The following PRKAG2 variants were observed in gnomAD, a reference collection of about 807,000 sequenced individuals.
The protein encoded by PRKAG2 is 5'-AMP-activated protein kinase subunit gamma-2.
PRKAG2 carries 26 observed loss-of-function variants against 69.6 expected under a neutral mutation model. The ratio of observed to expected loss-of-function variants is 0.37; its 90% CI spans 0.27 to 0.52. The LOEUF (loss-of-function observed/expected upper bound fraction) is 0.52, where lower values mean the gene tolerates loss of function less well. Ranked by LOEUF, PRKAG2 falls within the 20% of genes least tolerant of loss-of-function variation. The probability of loss-of-function intolerance (pLI) is 0.90; values close to 1 mark genes in which losing one functional copy is unlikely to be tolerated. For synonymous variants in PRKAG2, 293 were observed against 285.0 expected (o/e 1.03, Z -0.28); for missense variants, 557 against 740.0 (o/e 0.75, Z 2.87).
chr7:151,740,385 C>T lies in PRKAG2; in HGVS notation c.466+40767G>A, dbSNP rs551598303. Among the ~76,000 whole-genome samples the T allele has an allele frequency of 1.8e-4, 28 of 152,346 alleles. No individual in the cohort carries two copies. In the East Asian group the frequency reaches 3.5e-3, roughly 19 times the overall value. On this transcript the variant is annotated intron_variant, in intron 3 of 15. Transcript: ENST00000287878. ...TGGGTCAGGGACCCTCTCCTTCATC[C>T]TTCAGGCACAGCAGTGGCAGCAGCC... is the stretch of plus-strand genomic sequence containing the variant.
intron 4 of PRKAG2, among the ~76,000 whole-genome samples, chr7:151,659,656 T>C (rs566601343): frequency 4.1e-4 from 63 of 152,326 alleles, no homozygotes; most frequent in African/African-American, 1.4e-3. Context: ...ATTTGTAAGA[T>C]TGAATAAGTA....
intron 1 of PRKAG2, among the ~76,000 whole-genome samples, chr7:151,841,553 G>GGATGGTAGTGATGGTAGGTAGT: frequency 6.9e-6 from 1 of 145,646 alleles, no homozygotes; most frequent in East Asian, 2.1e-4. Context: ...TAGTAGGTAG[G>GGATGGTAGTGATGGTAGGTAGT]GATGGTAGTG....
intron 6 of PRKAG2, among the ~76,000 whole-genome samples, chr7:151,584,859 C>T (rs1585049748): frequency 6.6e-6 from 1 of 152,178 alleles, no homozygotes; most frequent in East Asian, 1.9e-4. Flanking sequence ...ACTGCACTAC[C>T]ATACTCCAGC....
intron 3 of PRKAG2, among the ~76,000 whole-genome samples, chr7:151,724,385 T>G (rs1429471999): frequency 1.3e-5 from 2 of 152,152 alleles, no homozygotes; most frequent in Non-Finnish European, 2.9e-5. Flanking sequence ...GATGGGCATC[T>G]CCACAGAGTC....
At chr7:151,815,049 G>T (rs1309514919) in intron 1 of PRKAG2, among the ~76,000 whole-genome samples, 3 of 152,180 alleles carry the variant, frequency 2.0e-5, no homozygotes, top group Admixed American at 1.3e-4. Context: ...TCAGGCAAAG[G>T]CTTCAGAAAT....
Position 151,659,357 on chromosome 7 carries a change from T to C in PRKAG2, c.684+16063A>G, listed in dbSNP as rs374606864. ...ACTTTGCTTTGTTCAGGGGAGTCCA[T>C]GGCATGTCCACCACTCCCATTTAAG... On this transcript the variant is annotated intron_variant, in intron 4 of 15. Transcript: ENST00000287878. Among the ~76,000 whole-genome samples the C allele has an allele frequency of 4.9e-4, 75 of 152,350 alleles. 1 individual carries two copies. The Middle Eastern group carries it at 0.017, about 35-fold the overall frequency.
At chr7:151,819,047 C>A (rs553905883) in intron 1 of PRKAG2, among the ~76,000 whole-genome samples, 1 of 152,190 alleles carries the variant, frequency 6.6e-6, no homozygotes, top group East Asian at 1.9e-4. Context: ...AGCTCCCTGG[C>A]GAAATGAGTG....
intron 5 of PRKAG2, among the ~76,000 whole-genome samples, chr7:151,596,764 A>T (rs1431852896): frequency 9.2e-6 from 1 of 108,682 alleles, no homozygotes; most frequent in African/African-American, 3.8e-5. Context: ...AATAAAAATA[A>T]AAAAAAAGAG....
In PRKAG2 at chr7:151,828,796, G is replaced by A. The variant is rs1012773800; in HGVS notation, c.115-42255C>T. On this transcript the variant is annotated intron_variant, in intron 1 of 15. Coordinates refer to ENST00000287878, the MANE Select transcript of PRKAG2 (RefSeq NM_016203.4). The surrounding 1 kb of genome is among the most constrained non-coding windows in gnomAD (Gnocchi z 4.6). ...ACTTTAAAAGTCAGTGGGGCATGGT[G>A]GCTACTGAGGAGGCTGAGGTGGAAG... 6.6e-6 allele frequency among the ~76,000 whole-genome samples: 1 copy of A among 152,046 alleles called. No individual in the cohort carries two copies. The highest frequency in any genetic ancestry group is 1.9e-4 in the East Asian group (1 of 5,192).
chr7:151,660,769 A>C (rs1563366349), intron 4 of PRKAG2, among the ~76,000 whole-genome samples: 1 of 152,256 alleles, frequency 6.6e-6, no homozygotes, highest in African/African-American at 2.4e-5. Context: ...GGAACAACAA[A>C]AGTTAGACGA....
intron 3 of PRKAG2, among the ~76,000 whole-genome samples, chr7:151,680,248 TAA>T (rs1206880104): frequency 6.6e-6 from 1 of 152,180 alleles, no homozygotes; most frequent in African/African-American, 2.4e-5. Context: ...TCGACTGTAC[TAA>T]GTGTCGGCTT....
intron 1 of PRKAG2, among the ~76,000 whole-genome samples, chr7:151,859,563 G>A (rs1249748382): frequency 6.6e-6 from 1 of 152,222 alleles, no homozygotes; most frequent in Non-Finnish European, 1.5e-5. Flanking sequence ...CCAGGGGCGA[G>A]GACTGTGAGA....
At chr7:151,745,022 C>T (rs1361443289) in intron 3 of PRKAG2, among the ~76,000 whole-genome samples, 1 of 152,168 alleles carries the variant, frequency 6.6e-6, no homozygotes, top group Non-Finnish European at 1.5e-5. Context: ...CCGTGGGCAG[C>T]TTGTGGGATT....
At chr7:151,642,514 C>T (rs771462494) in intron 4 of PRKAG2, among the ~76,000 whole-genome samples, 10 of 152,182 alleles carry the variant, frequency 6.6e-5, no homozygotes, top group Non-Finnish European at 1.0e-4. Flanking sequence ...GGGCAACAAA[C>T]TGAGACCACC....
rs1824307440 is a variant in PRKAG2 at position 151,631,165 on chromosome 7, C to T, written c.754+904G>A. 2.0e-5 allele frequency among the ~76,000 whole-genome samples: 3 copies of T among 152,288 alleles called. No homozygotes were observed. In the South Asian group the frequency reaches 6.2e-4, roughly 32 times the overall value. ...TTTCGAGAGCTTTATTCTATCAATA[C>T]TCCTGGAAAAAAGAGAAGTTGCTAA... On this transcript the variant is annotated intron_variant, in intron 5 of 15. Coordinates refer to ENST00000287878, the MANE Select transcript of PRKAG2 (RefSeq NM_016203.4).
intron 6 of PRKAG2, among the ~76,000 whole-genome samples, chr7:151,581,239 T>G (rs759583418): frequency 6.6e-6 from 1 of 152,226 alleles, no homozygotes; most frequent in South Asian, 2.1e-4. Context: ...AACCTAACTA[T>G]AGCAGTAACT....
chr7:151,711,221 T>G (rs1299878736), intron 3 of PRKAG2, among the ~76,000 whole-genome samples: 5 of 151,832 alleles, frequency 3.3e-5, no homozygotes, highest in African/African-American at 1.2e-4. Context: ...TCAACAGTGC[T>G]AGGCTTAAAG....
chr7:151,855,394 A>ATCC (rs1554618860), intron 1 of PRKAG2, among the ~76,000 whole-genome samples: 1 of 7,030 alleles, frequency 1.4e-4, no homozygotes, highest in Non-Finnish European at 2.7e-4. Flanking sequence ...CACACACACC[A>ATCC]TCCACACACC....
chr7:151,827,061 T>C (rs911065411), intron 1 of PRKAG2, among the ~76,000 whole-genome samples: 1 of 152,128 alleles, frequency 6.6e-6, no homozygotes, highest in Admixed American at 6.5e-5. Context: ...AGATAAGTCA[T>C]ATATTTGGGT....
Sources: gnomAD v4.1 joint callset for allele counts (sites outside exome capture counted in the v4.1 genomes callset) on GRCh38, gnomAD v4.1.1 for gene constraint, Gnocchi (gnomAD v3.1) non-coding constraint, MANE v1.5 for transcripts, NCBI Gene and HGNC (gene_info 2026-07-23, HGNC 2026-07-21) for gene names.